The following RPS6KA2 variants were observed in gnomAD, a reference collection of about 807,000 sequenced individuals.
RPS6KA2 encodes the protein ribosomal protein S6 kinase A2.
Under a neutral mutation model 91.8 loss-of-function variants are expected in RPS6KA2, and 42 were observed. The ratio of observed to expected loss-of-function variants is 0.46; its 90% CI spans 0.36 to 0.59. The LOEUF (loss-of-function observed/expected upper bound fraction) is 0.59, where lower values mean the gene tolerates loss of function less well. RPS6KA2 is among the 20% of genes least tolerant of loss of function. RPS6KA2 has a pLI of 0.00. For synonymous variants in RPS6KA2, 414 were observed against 393.6 expected (o/e 1.05, Z -0.61); for missense variants, 798 against 978.5 (o/e 0.82, Z 2.46).
intron 2 of RPS6KA2, among the ~76,000 whole-genome samples, chr6:166,761,569 T>C (rs941735003): frequency 1.3e-5 from 2 of 152,236 alleles, no homozygotes; most frequent in East Asian, 1.9e-4. Flanking sequence ...GCCCAAAGAA[T>C]AAACAACCAC....
chr6:166,806,823 G>A (rs1264010305), intron 2 of RPS6KA2, among the ~76,000 whole-genome samples: 1 of 151,964 alleles, frequency 6.6e-6, no homozygotes, highest in Non-Finnish European at 1.5e-5. Context: ...TTATGTTTTT[G>A]GACACAAAAT....
chr6:166,648,856 C>A lies in RPS6KA2; in HGVS notation c.124-110072G>T, dbSNP rs1206838699. On this transcript the variant is annotated intron_variant, in intron 2 of 21. Transcript: ENST00000503859. The surrounding 1 kb of genome is among the most constrained non-coding windows in gnomAD (Gnocchi z 4.8). ...AGCATCTCATTCTGTCTCTCCTCACCCCCCTTATGCATTTCACCCATCACC... is the reference window on the plus strand; with the variant it reads ...AGCATCTCATTCTGTCTCTCCTCACACCCCTTATGCATTTCACCCATCACC... Among the ~76,000 whole-genome samples, 2 of 152,138 alleles carry A rather than the reference C, an allele frequency of 1.3e-5. No homozygotes were observed. Among genetic ancestry groups the A allele is most frequent in the East Asian group, 3.9e-4 (2 of 5,194 alleles).
intron 2 of RPS6KA2, among the ~76,000 whole-genome samples, chr6:166,641,285 T>C (rs899135189): frequency 6.6e-6 from 1 of 152,066 alleles, no homozygotes; most frequent in African/African-American, 2.4e-5. Flanking sequence ...GTATAAATAA[T>C]ATAAAATATG....
At chr6:166,681,971 G>C (rs997247118) in intron 2 of RPS6KA2, among the ~76,000 whole-genome samples, 3 of 152,072 alleles carry the variant, frequency 2.0e-5, no homozygotes, top group Non-Finnish European at 2.9e-5. Flanking sequence ...AGACAGCTTA[G>C]GTTTAAGTCT....
chr6:166,651,979 C>T (rs1234151002), intron 2 of RPS6KA2, among the ~76,000 whole-genome samples: 1 of 152,262 alleles, frequency 6.6e-6, no homozygotes, highest in East Asian at 1.9e-4. Context: ...AGTGAGTTCT[C>T]GGCACTGCCG....
rs753260592 is a variant in RPS6KA2, at chr6:166,412,919, G to A, written c.2077-32C>T. 1.6e-4 allele frequency: 248 copies of A among 1,533,594 alleles called. No individual in the cohort carries two copies. Among genetic ancestry groups the A allele is most frequent in the Non-Finnish European group, 2.1e-4 (241 of 1,136,736 alleles). 95.0% of individuals were successfully genotyped at this position (1,533,594 alleles called of 1,614,324 possible). A position where few individuals can be genotyped will look rare whatever the true frequency, so the allele number is the denominator to read the frequency against. On this transcript the variant is annotated intron_variant, in intron 20 of 20. Transcript: ENST00000265678. This position sits in a 1 kb window ranked among gnomAD's most constrained non-coding sequence, Gnocchi z 4.3. ...AACAGAAGACAAGGGTGAGAGCCGC[G>A]GCGCCTCACTCCAGGGGTTGAGCCG...
intron 11 of RPS6KA2, chr6:166,463,329 T>G (rs1780394187): frequency 6.6e-6 from 1 of 152,230 alleles, no homozygotes; most frequent in Non-Finnish European, 1.5e-5. Context: ...CCTGGGATTC[T>G]GAGCTTAACG....
chr6:166,731,051 T>C (rs867003417), intron 2 of RPS6KA2, among the ~76,000 whole-genome samples: 1 of 152,222 alleles, frequency 6.6e-6, no homozygotes, highest in South Asian at 2.1e-4. Flanking sequence ...GAGACCAGCC[T>C]GACCAACATG....
At chr6:166,517,726 C>T (rs1448407311) in intron 3 of RPS6KA2, among the ~76,000 whole-genome samples, 3 of 152,042 alleles carry the variant, frequency 2.0e-5, no homozygotes, top group African/African-American at 2.4e-5. Context: ...CCACCCGCCT[C>T]GGCCTCCCAA....
At chr6:166,415,648 A>G (rs1324126410) in intron 19 of RPS6KA2, among the ~76,000 whole-genome samples, 1 of 152,090 alleles carries the variant, frequency 6.6e-6, no homozygotes, top group Non-Finnish European at 1.5e-5. Flanking sequence ...AGCTTCCAAG[A>G]TGGCCTTCCA....
In RPS6KA2 at chr6:166,754,512, C is replaced by T. The variant is rs920711511; in HGVS notation, c.123+103688G>A. On this transcript the variant is annotated intron_variant, in intron 2 of 21. Transcript: ENST00000503859. ...GCCCTGCTGCACAGGGGGTTGCCCT[C>T]GCTGGCTGGTACTGGGCCCTGGGAG... Among the ~76,000 whole-genome samples the T allele has an allele frequency of 4.6e-5, 7 of 152,130 alleles. No individual in the cohort carries two copies. In the East Asian group the frequency reaches 5.8e-4, roughly 13 times the overall value.
intron 2 of RPS6KA2, among the ~76,000 whole-genome samples, chr6:166,851,824 C>T (rs1780753293): frequency 6.6e-6 from 1 of 152,202 alleles, no homozygotes; most frequent in African/African-American, 2.4e-5. Flanking sequence ...TGACAAATGA[C>T]AAACACTCAG....
At chr6:166,705,112 T>G (rs2128577806) in intron 2 of RPS6KA2, among the ~76,000 whole-genome samples, 1 of 152,306 alleles carries the variant, frequency 6.6e-6, no homozygotes, top group Non-Finnish European at 1.5e-5. Flanking sequence ...CTACTCAACA[T>G]CTTATTCTGA....
rs140526176 is a variant in RPS6KA2, at chr6:166,756,961, C to T, written c.123+101239G>A. Among the ~76,000 whole-genome samples the T allele has an allele frequency of 2.8e-3, 428 of 152,236 alleles. 1 individual carries two copies. Among genetic ancestry groups the T allele is most frequent in the African/African-American group, 9.9e-3 (411 of 41,548 alleles). ...CTTCAGTTTGGGATGATGAAAACGT[C>T]GCGGAGATGGCGGTGGTGGTGGCTG... On this transcript the variant is annotated intron_variant, in intron 2 of 21. Transcript: ENST00000503859.
In RPS6KA2 at chr6:166,414,793, G is replaced by A. The variant is rs1460950362; in HGVS notation, c.1939-862C>T. ...AATGAATTAGAATGCGGCTGGGCGC[G>A]TTGGCTCATGCCTGTAATCCTAGCA... On this transcript the variant is annotated intron_variant, in intron 19 of 20. Transcript: ENST00000265678. Among the ~76,000 whole-genome samples, 6 of 152,332 alleles carry A rather than the reference G, an allele frequency of 3.9e-5. No individual in the cohort carries two copies. The East Asian group carries it at 5.8e-4, about 15-fold the overall frequency.
At chr6:166,841,475 A>G (rs1450501951) in intron 2 of RPS6KA2, among the ~76,000 whole-genome samples, 3 of 152,388 alleles carry the variant, frequency 2.0e-5, no homozygotes, top group East Asian at 3.9e-4. Flanking sequence ...TGAAAGTGTC[A>G]GAAGAATACT....
chr6:166,450,217 AC>A (rs1461826444), intron 13 of RPS6KA2, among the ~76,000 whole-genome samples: 1 of 147,444 alleles, frequency 6.8e-6, no homozygotes, highest in South Asian at 2.2e-4. Flanking sequence ...TACCCTAGGG[AC>A]CACCACAGGA....
chr6:166,637,827 C>T (rs1386673113), intron 2 of RPS6KA2, among the ~76,000 whole-genome samples: 1 of 152,224 alleles, frequency 6.6e-6, no homozygotes, highest in East Asian at 1.9e-4. Context: ...CATAAGACCC[C>T]GTGTCTCAGC....
chr6:166,432,324 C>T, intron 15 of RPS6KA2, 77 bp downstream of exon 15: 2 of 944,650 alleles, frequency 2.1e-6, no homozygotes, highest in South Asian at 3.0e-5. Context: ...AGAAAGCTTG[C>T]TCTGAGTGAA....
Sources: allele counts gnomAD v4.1 joint callset (sites outside exome capture counted in the v4.1 genomes callset), GRCh38; gene constraint gnomAD v4.1.1; non-coding constraint Gnocchi (gnomAD v3.1); transcripts MANE v1.5; gene names NCBI Gene and HGNC (gene_info 2026-07-23, HGNC 2026-07-21).